PDE1A: variants seen among roughly 807,000 people sequenced by gnomAD.
PDE1A encodes dual specificity calcium/calmodulin-dependent 3',5'-cyclic nucleotide phosphodiesterase 1A.
Under a neutral mutation model 61.7 loss-of-function variants are expected in PDE1A, and 35 were observed. The ratio of observed to expected loss-of-function variants is 0.57; its 90% CI spans 0.43 to 0.75. PDE1A has a LOEUF of 0.75. Among genes scored for constraint, PDE1A ranks in the 30% least tolerant of loss-of-function variants. The pLI, the probability that PDE1A is intolerant of heterozygous loss-of-function variation, is 0.00. For synonymous variants in PDE1A, 232 were observed against 213.2 expected (o/e 1.09, Z -0.77); for missense variants, 597 against 630.6 (o/e 0.95, Z 0.57).
intron 1 of PDE1A, among the ~76,000 whole-genome samples, chr2:182,359,832 C>T (rs1699398570): frequency 6.6e-6 from 1 of 152,046 alleles, no homozygotes; most frequent in Non-Finnish European, 1.5e-5. Flanking sequence ...CACACCACAC[C>T]AAACATTAGC....
the PDE1A span, among the ~76,000 whole-genome samples, chr2:182,609,385 TC>T: frequency 6.6e-6 from 1 of 152,066 alleles, no homozygotes; most frequent in Non-Finnish European, 1.5e-5. Context: ...CCCTCTAGAG[TC>T]CTTTTCTGCA....
At chr2:182,708,616 T>A in the PDE1A span, among the ~76,000 whole-genome samples, 2 of 152,064 alleles carry the variant, frequency 1.3e-5, no homozygotes, top group Non-Finnish European at 2.9e-5. Context: ...GAGAACTCAC[T>A]ATCACAGAAC....
intron 1 of PDE1A, among the ~76,000 whole-genome samples, chr2:182,383,163 C>A (rs535133832): frequency 3.9e-4 from 59 of 152,326 alleles, no homozygotes; most frequent in Middle Eastern, 6.8e-3. Context: ...CTATTCCTCA[C>A]TGTCTGTGCT....
chr2:182,669,674 C>T, the PDE1A span, among the ~76,000 whole-genome samples: 311 of 152,342 alleles, frequency 2.0e-3, 1 homozygote, highest in African/African-American at 7.1e-3. Context: ...TTGTATTTTA[C>T]ATTCTATTCG....
intron 6 of PDE1A, among the ~76,000 whole-genome samples, chr2:182,225,022 A>G (rs997712881): frequency 3.9e-5 from 6 of 151,970 alleles, no homozygotes; most frequent in Admixed American, 2.0e-4. Context: ...GAAAGAGATC[A>G]TGTAAACTAT....
chr2:182,154,334 T>C (rs1473735315), intron 13 of PDE1A, among the ~76,000 whole-genome samples: 1 of 152,232 alleles, frequency 6.6e-6, no homozygotes, highest in East Asian at 1.9e-4. Context: ...GTTCTAAACA[T>C]AAACCATTAA....
At chr2:182,259,321 G>A (rs998884549) in intron 2 of PDE1A, among the ~76,000 whole-genome samples, 19 of 152,000 alleles carry the variant, frequency 1.3e-4, no homozygotes, top group Admixed American at 3.9e-4. Context: ...ACCAGTACCC[G>A]TTTTCATTTT....
intron 1 of PDE1A, among the ~76,000 whole-genome samples, chr2:182,345,237 G>A (rs1192072871): frequency 6.6e-6 from 1 of 152,160 alleles, no homozygotes; most frequent in Admixed American, 6.5e-5. Flanking sequence ...TGACCTCCCA[G>A]GGTTTCACCC....
intron 1 of PDE1A, among the ~76,000 whole-genome samples, chr2:182,389,527 A>G (rs1433073005): frequency 1.3e-5 from 2 of 152,246 alleles, no homozygotes; most frequent in East Asian, 3.8e-4. Flanking sequence ...GGAAATGCAA[A>G]TTAAAACCAA....
At chr2:182,637,735 A>C in the PDE1A span, among the ~76,000 whole-genome samples, 1 of 152,106 alleles carries the variant, frequency 6.6e-6, no homozygotes, top group Non-Finnish European at 1.5e-5. Context: ...CAGGCTCCCA[A>C]CGTGATGAAA....
intron 13 of PDE1A, among the ~76,000 whole-genome samples, chr2:182,170,112 A>G (rs920233618): frequency 1.3e-5 from 2 of 152,036 alleles, no homozygotes; most frequent in Admixed American, 6.6e-5. Flanking sequence ...AAACCAACCC[A>G]TCATAATTAA....
At chr2:182,638,947 T>C in the PDE1A span, among the ~76,000 whole-genome samples, 1 of 152,112 alleles carries the variant, frequency 6.6e-6, no homozygotes, top group Non-Finnish European at 1.5e-5. Context: ...TCAGAAAATG[T>C]CAGCCCAGAC....
the PDE1A span, among the ~76,000 whole-genome samples, chr2:182,588,633 G>T: frequency 1.3e-5 from 2 of 152,080 alleles, no homozygotes; most frequent in Admixed American, 6.5e-5. Context: ...ATATCTGAAT[G>T]TCTAATTAAG....
intron 2 of PDE1A, among the ~76,000 whole-genome samples, chr2:182,447,446 C>G (rs559609754): frequency 6.6e-6 from 1 of 152,122 alleles, no homozygotes; most frequent in Non-Finnish European, 1.5e-5. Flanking sequence ...ATGAGGAGCC[C>G]TTTTTGCTGA....
the PDE1A span, among the ~76,000 whole-genome samples, chr2:182,576,563 C>T: frequency 6.6e-6 from 1 of 152,058 alleles, no homozygotes; most frequent in Non-Finnish European, 1.5e-5. Flanking sequence ...TTGCTTTCAA[C>T]TCTTTTGTGT....
intron 13 of PDE1A, among the ~76,000 whole-genome samples, chr2:182,169,720 T>C (rs1479316590): frequency 6.6e-6 from 1 of 152,036 alleles, no homozygotes; most frequent in Non-Finnish European, 1.5e-5. Flanking sequence ...GAGTACATCA[T>C]CTGATAATTC....
the PDE1A span, among the ~76,000 whole-genome samples, chr2:182,658,428 T>A: frequency 6.6e-6 from 1 of 152,248 alleles, no homozygotes; most frequent in Non-Finnish European, 1.5e-5. Context: ...TAGAGCCTAC[T>A]CCAATCTTAA....
intron 2 of PDE1A, among the ~76,000 whole-genome samples, chr2:182,441,425 T>C (rs62188268): frequency 0.16 from 24,893 of 152,008 alleles, 2,392 homozygotes; most frequent in Middle Eastern, 0.32. Flanking sequence ...TTGCTCATGA[T>C]TGGAGACGGA....
intron 1 of PDE1A, among the ~76,000 whole-genome samples, chr2:182,275,134 T>G (rs1693313686): frequency 6.6e-6 from 1 of 151,890 alleles, no homozygotes; most frequent in East Asian, 1.9e-4. Flanking sequence ...GCAGGAAGCT[T>G]TTGGAGGGTC....
Sources: gnomAD v4.1 joint callset for allele counts (sites outside exome capture counted in the v4.1 genomes callset) on GRCh38, gnomAD v4.1.1 for gene constraint, MANE v1.5 for transcripts, NCBI Gene and HGNC (gene_info 2026-07-23, HGNC 2026-07-21) for gene names.